The following NFAT5 variants were observed in gnomAD, a reference collection of about 807,000 sequenced individuals.
NFAT5 encodes nuclear factor of activated T cells 5, also known as nuclear factor of activated T-cells 5.
NFAT5 carries 31 observed loss-of-function variants against 166.5 expected under a neutral mutation model. The ratio of observed to expected loss-of-function variants is 0.19; its 90% CI spans 0.14 to 0.25. NFAT5 has a LOEUF of 0.25. Ranked by LOEUF, NFAT5 falls within the 10% of genes least tolerant of loss-of-function variation. NFAT5 has a pLI of 1.00. For missense variants in NFAT5, 1,449 were observed against 1,821.8 expected (o/e 0.80, Z 3.72); for synonymous variants, 612 against 639.7 (o/e 0.96, Z 0.65).
chr16:69,591,095 C>G lies in NFAT5; in HGVS notation c.127+22547C>G, dbSNP rs1232825189. ...TACAGGTACATGCCACCATGCCTGG[C>G]TAATTTTTCTATTTTTAGTAGAGAT... On this transcript the variant is annotated intron_variant, in intron 2 of 14. Transcript: ENST00000349945. 3.9e-5 allele frequency among the ~76,000 whole-genome samples: 6 copies of G among 152,088 alleles called. No individual in the cohort carries two copies. The East Asian group carries it at 1.2e-3, about 29-fold the overall frequency.
chr16:69,605,135 T>C (rs181377058), intron 2 of NFAT5, among the ~76,000 whole-genome samples: 4 of 152,242 alleles, frequency 2.6e-5, no homozygotes, highest in African/African-American at 9.6e-5. Context: ...TCTATAAAAA[T>C]ATTAATTAAA....
rs1010335349 is a variant in NFAT5 at position 69,585,331 on chromosome 16, G to C, written c.127+16783G>C. On this transcript the variant is annotated intron_variant, in intron 2 of 14. Transcript: ENST00000349945. ...GCCCAATTTTTTTTTTTTTAATTGT[G>C]TGGGGCTGTCTCTCATAAAAGTAGT... is the stretch of plus-strand genomic sequence containing the variant. 3.3e-5 allele frequency among the ~76,000 whole-genome samples: 5 copies of C among 151,062 alleles called. No individual in the cohort carries two copies. The East Asian group carries it at 9.7e-4, about 29-fold the overall frequency.
rs535437288 is a variant in NFAT5 at position 69,700,074 on chromosome 16, G to A, written c.*3723G>A. Reference sequence around the variant, plus strand: ...GCTTTATTATAGAAGAAGTATTAATGAAGGACTTTCCTTCCTCCCTCCCTT... The same window carrying A: ...GCTTTATTATAGAAGAAGTATTAATAAAGGACTTTCCTTCCTCCCTCCCTT... On this transcript the variant is annotated 3_prime_UTR_variant, in exon 15 of 15. Coordinates refer to ENST00000349945, the MANE Select transcript of NFAT5 (RefSeq NM_138713.4). 5 of 151,836 alleles carry A rather than the reference G, an allele frequency of 3.3e-5. No homozygotes were observed. The highest frequency in any genetic ancestry group is 5.9e-5 in the Non-Finnish European group (4 of 67,920). The allele number at this position is 151,836 out of a possible 1,614,324, so 9.4% of individuals were successfully genotyped here.
At chr16:69,644,284 CAA>C (rs888273654) in intron 3 of NFAT5, among the ~76,000 whole-genome samples, 4 of 112,390 alleles carry the variant, frequency 3.6e-5, no homozygotes, top group Non-Finnish European at 7.5e-5. Context: ...GACCCTGCCT[CAA>C]AAAAAAAAAA....
In NFAT5 at chr16:69,655,683, A is replaced by G. The variant is rs1488428947; in HGVS notation, c.1080A>G (p.Gly360=). 1.9e-6 allele frequency: 3 copies of G among 1,613,620 alleles called. No homozygotes were observed. The highest frequency in any genetic ancestry group is 1.1e-5 in the South Asian group (1 of 91,026). Residue 360 remains glycine (G), a synonymous_variant, in exon 6 of 15, where the codon GGA becomes GGG. Coordinates refer to ENST00000349945, the MANE Select transcript of NFAT5 (RefSeq NM_138713.4). ...ACTCTGGACGAGTGAAACCACATGGATTTTATCAGGCCTGCAGAGTAACTG... is the reference window on the plus strand; with the variant it reads ...ACTCTGGACGAGTGAAACCACATGGGTTTTATCAGGCCTGCAGAGTAACTG... ...GNDSGRVKPH[G]FYQACRVTGR...
intron 7 of NFAT5, among the ~76,000 whole-genome samples, chr16:69,667,659 C>T (rs2036455836): frequency 6.6e-6 from 1 of 152,052 alleles, no homozygotes; most frequent in Non-Finnish European, 1.5e-5. Context: ...TATCAGTAAT[C>T]AGTGAAGTGG....
intron 2 of NFAT5, among the ~76,000 whole-genome samples, chr16:69,595,659 G>A (rs555360118): frequency 5.0e-4 from 76 of 152,158 alleles, no homozygotes; most frequent in East Asian, 2.3e-3. Context: ...CATTCTTACC[G>A]TAGATCTTAG....
At chr16:69,651,165 T>C (rs2035650192) in intron 4 of NFAT5, among the ~76,000 whole-genome samples, 1 of 152,246 alleles carries the variant, frequency 6.6e-6, no homozygotes, top group Admixed American at 6.5e-5. Context: ...TGCTTTCCTT[T>C]CTTTGTCCCT....
intron 11 of NFAT5, chr16:69,685,626 G>T (rs1431793495): frequency 6.6e-6 from 1 of 152,088 alleles, no homozygotes; most frequent in Non-Finnish European, 1.5e-5. Context: ...GCCAAGGTAG[G>T]AAGATTACTT....
At chr16:69,588,119 G>A (rs142654905) in intron 2 of NFAT5, among the ~76,000 whole-genome samples, 628 of 151,262 alleles carry the variant, frequency 4.2e-3, no homozygotes, top group Non-Finnish European at 6.8e-3. Flanking sequence ...TGCCTGGCCC[G>A]TTTTTGTGTT....
intron 4 of NFAT5, chr16:69,648,778 C>T (rs2035554197): frequency 3.1e-6 from 3 of 969,182 alleles, no homozygotes. Flanking sequence ...AAAAAGTGGT[C>T]AAGAAGCTTT....
chr16:69,580,837 A>G (rs972323686), intron 2 of NFAT5, among the ~76,000 whole-genome samples: 27 of 151,722 alleles, frequency 1.8e-4, no homozygotes, highest in African/African-American at 6.1e-4. Context: ...CTGTGTTTTT[A>G]GTAGAGACAG....
At chr16:69,639,229 C>T (rs971612360) in intron 3 of NFAT5, among the ~76,000 whole-genome samples, 2 of 152,100 alleles carry the variant, frequency 1.3e-5, no homozygotes, top group African/African-American at 4.8e-5. Context: ...ATGTTTTATA[C>T]ACTGTGCTTA....
chr16:69,680,597 G>C (rs1022246088), intron 10 of NFAT5, among the ~76,000 whole-genome samples: 3 of 152,034 alleles, frequency 2.0e-5, no homozygotes, highest in African/African-American at 7.2e-5. Context: ...TTTTCCCCCA[G>C]CATATTTTGT....
rs927614691 is a variant in NFAT5 at position 69,702,978 on chromosome 16, T to G, written c.*6627T>G. 6.5e-6 allele frequency: 1 copy of G among 152,678 alleles called. No homozygotes were observed. The highest frequency in any genetic ancestry group is 6.5e-5 in the Admixed American group (1 of 15,284). 9.5% of individuals were successfully genotyped at this position (152,678 alleles called of 1,614,324 possible). A position where few individuals can be genotyped will look rare whatever the true frequency, so the allele number is the denominator to read the frequency against. On this transcript the variant is annotated 3_prime_UTR_variant, in exon 15 of 15. Coordinates refer to ENST00000349945, the MANE Select transcript of NFAT5 (RefSeq NM_138713.4). Reference sequence around the variant, plus strand: ...ACATTAAATGACTGATTTAAATATATAGGTGCAATGTTCTATGTTTATTTT... The same window carrying G: ...ACATTAAATGACTGATTTAAATATAGAGGTGCAATGTTCTATGTTTATTTT...
rs1216653748 is a variant in NFAT5, at chr16:69,599,988, GATA to G, written c.128-26410_128-26408del. ...AATGAATTATTCTGGCTACAGTGTA[GATA>G]ATAAAGTGTAAGAGTAAAAGAGAAA... On this transcript the variant is annotated intron_variant, in intron 2 of 14. Transcript: ENST00000349945. Among the ~76,000 whole-genome samples the G allele has an allele frequency of 3.3e-5, 5 of 152,158 alleles. No homozygotes were observed. In the East Asian group the frequency reaches 7.7e-4, roughly 23 times the overall value.
At chr16:69,683,545 T>C (rs1011976355) in intron 10 of NFAT5, among the ~76,000 whole-genome samples, 2 of 151,938 alleles carry the variant, frequency 1.3e-5, no homozygotes, top group Non-Finnish European at 2.9e-5. Flanking sequence ...AGGAAGAAAA[T>C]ATATATGTAT....
At chr16:69,567,730 A>G (rs1313804698) in intron 1 of NFAT5, among the ~76,000 whole-genome samples, 1 of 152,052 alleles carries the variant, frequency 6.6e-6, no homozygotes, top group Admixed American at 6.6e-5. Context: ...ATCCTGTAGG[A>G]TGTTTTTCGG....
At chr16:69,626,110 AT>A (rs2034446194) in intron 2 of NFAT5, among the ~76,000 whole-genome samples, 1 of 149,654 alleles carries the variant, frequency 6.7e-6, no homozygotes, top group Non-Finnish European at 1.5e-5. Context: ...CGCCTGGCTG[AT>A]TAAAAAAAAA....
Sources: allele counts gnomAD v4.1 joint callset (sites outside exome capture counted in the v4.1 genomes callset), GRCh38; gene constraint gnomAD v4.1.1; transcripts MANE v1.5; gene names NCBI Gene and HGNC (gene_info 2026-07-23, HGNC 2026-07-21).